Variants in MACO1 observed in about 807,000 individuals in gnomAD.
The protein encoded by MACO1 is macoilin 1, also known as macoilin.
Under a neutral mutation model 78.7 loss-of-function variants are expected in MACO1, and 14 were observed. The ratio of observed to expected loss-of-function variants is 0.18; its 90% CI spans 0.12 to 0.28. The LOEUF (loss-of-function observed/expected upper bound fraction) is 0.28, where lower values mean the gene tolerates loss of function less well. Among genes scored for constraint, MACO1 ranks in the 10% least tolerant of loss-of-function variants. The pLI is 1.00. For synonymous variants in MACO1, 288 were observed against 291.6 expected (o/e 0.99, Z 0.12); for missense variants, 501 against 799.0 (o/e 0.63, Z 4.50).
At chr1:25,480,484 A>G (rs1476618728) in intron 6 of MACO1, among the ~76,000 whole-genome samples, 2 of 152,194 alleles carry the variant, frequency 1.3e-5, no homozygotes, top group Admixed American at 1.3e-4. Context: ...ATTGAAGTAT[A>G]ACATATATAC....
At chr1:25,469,633 C>CTTTTTTTTTTTTTTTTTTTTTTTTTT (rs1222159978) in intron 6 of MACO1, among the ~76,000 whole-genome samples, 1 of 127,450 alleles carries the variant, frequency 7.8e-6, no homozygotes, top group Non-Finnish European at 1.6e-5. Flanking sequence ...TAACCTCTGA[C>CTTTTTTTTTTTTTTTTTTTTTTTTTT]TTTTTTTTTT....
At chr1:25,441,446 A>G (rs2042971915) in intron 1 of MACO1, among the ~76,000 whole-genome samples, 2 of 152,286 alleles carry the variant, frequency 1.3e-5, no homozygotes, top group South Asian at 2.1e-4. Flanking sequence ...CAGCCTCCCA[A>G]AGTGCTGGGA....
chr1:25,460,332 A>G (rs1187487184), intron 6 of MACO1, among the ~76,000 whole-genome samples: 1 of 152,162 alleles, frequency 6.6e-6, no homozygotes, highest in Non-Finnish European at 1.5e-5. Context: ...TTTCAGAGGA[A>G]TATCCCACAA....
chr1:25,470,576 T>C (rs1320128805), intron 6 of MACO1, among the ~76,000 whole-genome samples: 1 of 152,060 alleles, frequency 6.6e-6, no homozygotes, highest in Non-Finnish European at 1.5e-5. Flanking sequence ...GAGTCCTTAG[T>C]GGGGAACCAC....
chr1:25,430,990 C>T lies in MACO1; in HGVS notation c.-109C>T. 1 of 631,594 alleles carries T rather than the reference C, an allele frequency of 1.6e-6. No individual in the cohort carries two copies. Among genetic ancestry groups the T allele is most frequent in the Non-Finnish European group, 2.4e-6 (1 of 415,892 alleles). 39.1% of individuals were successfully genotyped at this position (631,594 alleles called of 1,614,324 possible). ...GGGTGCTGGCTCCATGTCTGTGTGA[C>T]CGGCCTCAGGGGTAGAGTCCAGGCC... On this transcript the variant is annotated 5_prime_UTR_variant, in exon 1 of 11. Transcript: ENST00000374343.
At chr1:25,432,836 A>G (rs1478023335) in intron 1 of MACO1, among the ~76,000 whole-genome samples, 1 of 152,222 alleles carries the variant, frequency 6.6e-6, no homozygotes, top group Middle Eastern at 3.2e-3. Flanking sequence ...TGAGAGTCCC[A>G]TATTGTTTAC....
At chr1:25,498,224 G>A in intron 10 of MACO1, 40 bp from the exon 11 acceptor site, 1 of 1,608,406 alleles carries the variant, frequency 6.2e-7, no homozygotes, top group Non-Finnish European at 8.5e-7. Flanking sequence ...TGTTGGGTGA[G>A]GCCTCCCTTT....
intron 3 of MACO1, among the ~76,000 whole-genome samples, chr1:25,453,480 G>A (rs574470826): frequency 3.3e-5 from 5 of 150,668 alleles, no homozygotes; most frequent in South Asian, 2.1e-4. Flanking sequence ...TGGCTAACAC[G>A]GTGAAACCCT....
chr1:25,450,337 T>C lies in MACO1; in HGVS notation c.349+1403T>C, dbSNP rs976961056. Among the ~76,000 whole-genome samples, 9 of 152,150 alleles carry C rather than the reference T, an allele frequency of 5.9e-5. No homozygotes were observed. The South Asian group carries it at 1.5e-3, about 25-fold the overall frequency. On this transcript the variant is annotated intron_variant, in intron 3 of 10. Transcript: ENST00000374343. Reference sequence around the variant, plus strand: ...GACTAGAGTAGAGCTCCCTACTTCTTAGAGCTATACTTCTGTCACTTCAGA... The same window carrying C: ...GACTAGAGTAGAGCTCCCTACTTCTCAGAGCTATACTTCTGTCACTTCAGA...
chr1:25,470,600 G>A (rs1001909229), intron 6 of MACO1, among the ~76,000 whole-genome samples: 2 of 152,164 alleles, frequency 1.3e-5, no homozygotes, highest in East Asian at 3.8e-4. Flanking sequence ...AGTTAAGTGG[G>A]AAAGATAACA....
At position 25,448,869 on chromosome 1, in the gene MACO1, TC is replaced by T; in HGVS notation, c.288del (p.Ile97TyrfsTer52). Reference protein sequence around the residue: ...FTSNIICLLFIPIQWLFFAAS... With the variant: ...FTSNIICLLFXPIQWLFFAAS... ...TCAAATATAATATGCCTGCTGTTCA[TC>T]CCCATACAGTGGCTTTTTTTTGCTG... On this transcript the variant is annotated frameshift_variant, in exon 3 of 11. Coordinates refer to ENST00000374343, the MANE Select transcript of MACO1 (RefSeq NM_018202.6). LOFTEE classifies it high-confidence loss of function. 1 of 1,560,676 alleles carries T rather than the reference TC, an allele frequency of 6.4e-7. No homozygotes were observed.
At chr1:25,437,321 T>TTTG (rs1442766400) in intron 1 of MACO1, among the ~76,000 whole-genome samples, 1 of 142,048 alleles carries the variant, frequency 7.0e-6, no homozygotes, top group African/African-American at 2.8e-5. Flanking sequence ...TTTTTTTTTT[T>TTTG]GCGTTTTTGC....
chr1:25,477,478 C>T (rs1424702024), intron 6 of MACO1, among the ~76,000 whole-genome samples: 1 of 152,174 alleles, frequency 6.6e-6, no homozygotes, highest in Non-Finnish European at 1.5e-5. Context: ...AGCCTAGAGC[C>T]TCTCTGTCAC....
intron 4 of MACO1, among the ~76,000 whole-genome samples, 165 bp downstream of exon 4, chr1:25,454,547 G>A (rs1013626098): frequency 1.5e-4 from 22 of 146,558 alleles, no homozygotes. Flanking sequence ...GCAGTGGCAC[G>A]ATCTTGGTTA....
chr1:25,467,537 CTGTT>C (rs1259080965), intron 6 of MACO1, among the ~76,000 whole-genome samples: 1 of 152,164 alleles, frequency 6.6e-6, no homozygotes, highest in Non-Finnish European at 1.5e-5. Flanking sequence ...CGTCTCTTCT[CTGTT>C]TATTTCCATT....
In MACO1 at chr1:25,499,408, G is replaced by GT. The variant is rs2043567084; in HGVS notation, c.*943dup. The GT allele has an allele frequency of 2.0e-5, 3 of 150,662 alleles. No individual in the cohort carries two copies. The highest frequency in any genetic ancestry group is 1.3e-4 in the Admixed American group (2 of 15,160). The allele number at this position is 150,662 out of a possible 1,614,324, so 9.3% of individuals were successfully genotyped here. ...GGGCAGTGTTTGTGGACGAGAGACT[G>GT]TAACGATGGCTAATAAAAGCTGCGG... is the stretch of plus-strand genomic sequence containing the variant. On this transcript the variant is annotated 3_prime_UTR_variant, in exon 11 of 11. Coordinates refer to ENST00000374343, the MANE Select transcript of MACO1 (RefSeq NM_018202.6).
At chr1:25,437,646 G>A (rs1288756653) in intron 1 of MACO1, among the ~76,000 whole-genome samples, 1 of 152,120 alleles carries the variant, frequency 6.6e-6, no homozygotes, top group Non-Finnish European at 1.5e-5. Context: ...AGAATTTTTG[G>A]CCGGGTGTGA....
intron 6 of MACO1, among the ~76,000 whole-genome samples, chr1:25,460,890 C>A (rs2043164928): frequency 6.6e-6 from 1 of 152,034 alleles, no homozygotes; most frequent in South Asian, 2.1e-4. Flanking sequence ...TATCAAATGA[C>A]TAATAGACAA....
At chr1:25,453,566 G>T (rs1186449149) in intron 3 of MACO1, among the ~76,000 whole-genome samples, 2 of 150,538 alleles carry the variant, frequency 1.3e-5, no homozygotes, top group African/African-American at 4.9e-5. Context: ...GAGAGGTTGA[G>T]GCAGGAGAAT....
Sources: gnomAD v4.1 joint callset for allele counts (sites outside exome capture counted in the v4.1 genomes callset) on GRCh38, gnomAD v4.1.1 for gene constraint, MANE v1.5 for transcripts, NCBI Gene and HGNC (gene_info 2026-07-23, HGNC 2026-07-21) for gene names.